Variants in PARP8 observed in about 807,000 individuals in gnomAD.
The protein encoded by PARP8 is protein mono-ADP-ribosyltransferase PARP8.
Under a neutral mutation model 124.1 loss-of-function variants are expected in PARP8, and 51 were observed. The observed-to-expected ratio is 0.41, with a 90% CI of 0.33 to 0.52. PARP8 has a LOEUF of 0.52. PARP8 is among the 20% of genes least tolerant of loss of function. The pLI is 0.21. For synonymous variants in PARP8, 391 were observed against 361.5 expected, an observed-to-expected ratio of 1.08 and a Z score of -0.93; for missense variants, 860 against 1,018.9, an observed-to-expected ratio of 0.84 and a Z score of 2.12.
rs1167592110 is a variant in PARP8, at chr5:50,801,810, G to A, written c.1575+4577G>A. On this transcript the variant is annotated intron_variant, in intron 14 of 25. Transcript: ENST00000281631. ...TTTTGGGAAATCTGTTGCTGGATACGTATATGTTTATAAGTGTTTTATCTT... is the reference window on the plus strand; with the variant it reads ...TTTTGGGAAATCTGTTGCTGGATACATATATGTTTATAAGTGTTTTATCTT... Among the ~76,000 whole-genome samples, 12 of 152,014 alleles carry A rather than the reference G, an allele frequency of 7.9e-5. 1 individual carries two copies. In the South Asian group the frequency reaches 2.3e-3, roughly 29 times the overall value.
chr5:50,739,970 T>C (rs1757878848), intron 2 of PARP8, among the ~76,000 whole-genome samples: 1 of 151,708 alleles, frequency 6.6e-6, no homozygotes, highest in Non-Finnish European at 1.5e-5. Context: ...AGGCTGGTCT[T>C]GAACTCCTGA....
At chr5:50,666,068 T>C (rs1749255161), upstream of PARP8, 1 of 152,118 alleles carries the variant, frequency 6.6e-6, no homozygotes, top group Non-Finnish European at 1.5e-5. Context: ...AAGGGAGAAC[T>C]GGTGAGTTTC....
At chr5:50,731,565 G>A (rs1372023941) in intron 2 of PARP8, among the ~76,000 whole-genome samples, 1 of 152,092 alleles carries the variant, frequency 6.6e-6, no homozygotes, top group African/African-American at 2.4e-5. Flanking sequence ...TCCATTGTAA[G>A]GATATATTCA....
At chr5:50,837,829 A>T (rs1747751314) in intron 25 of PARP8, among the ~76,000 whole-genome samples, 1 of 152,184 alleles carries the variant, frequency 6.6e-6, no homozygotes, top group Admixed American at 6.6e-5. Context: ...AGTTCAAAAA[A>T]TTTTTGTTGG....
chr5:50,713,402 G>A (rs1446750124), intron 2 of PARP8, among the ~76,000 whole-genome samples: 3 of 151,814 alleles, frequency 2.0e-5, no homozygotes, highest in Admixed American at 6.6e-5. Context: ...CACTATGCCT[G>A]GCTAATTTTG....
chr5:50,708,320 T>A (rs1302465808), intron 2 of PARP8, among the ~76,000 whole-genome samples: 1 of 152,150 alleles, frequency 6.6e-6, no homozygotes, highest in African/African-American at 2.4e-5. Context: ...TGTCATATTC[T>A]CTTTTCTGGA....
At chr5:50,705,374 A>G (rs1192691111) in intron 2 of PARP8, among the ~76,000 whole-genome samples, 4 of 152,328 alleles carry the variant, frequency 2.6e-5, no homozygotes, top group African/African-American at 9.6e-5. Context: ...GGTGCAAAAC[A>G]GTTGAAAGAT....
At chr5:50,688,813 G>T (rs1222984065) in intron 2 of PARP8, among the ~76,000 whole-genome samples, 2 of 152,062 alleles carry the variant, frequency 1.3e-5, no homozygotes, top group African/African-American at 4.8e-5. Context: ...TGTACATTTT[G>T]TACCTTTTAT....
intron 14 of PARP8, among the ~76,000 whole-genome samples, chr5:50,803,182 C>T (rs1743429000): frequency 6.6e-6 from 1 of 152,126 alleles, no homozygotes; most frequent in Non-Finnish European, 1.5e-5. Flanking sequence ...TGTGGTTTCC[C>T]ATGAAAAATG....
At chr5:50,743,936 G>A (rs1758294455) in intron 2 of PARP8, among the ~76,000 whole-genome samples, 1 of 152,198 alleles carries the variant, frequency 6.6e-6, no homozygotes, top group Non-Finnish European at 1.5e-5. Flanking sequence ...ATACGAGGAT[G>A]TAGTTTATTG....
chr5:50,824,931 G>A lies in PARP8; in HGVS notation c.1884G>A (p.Lys628=). ...AGGCACCATATCTGGAAATCAAGAA[G>A]CAAATGGATAAACAGGACCCCCTTG... is the stretch of plus-strand genomic sequence containing the variant. ...MTQAPYLEIK[K]QMDKQDPLAH... The change falls in exon 18 of 26, where the codon AAG becomes AAA. Residue 628 remains lysine (K), a synonymous_variant. Coordinates refer to ENST00000281631, the MANE Select transcript of PARP8 (RefSeq NM_024615.4). The A allele has an allele frequency of 1.2e-6, 2 of 1,613,094 alleles. No homozygotes were observed. The highest frequency in any genetic ancestry group is 1.3e-5 in the African/African-American group (1 of 74,972).
chr5:50,685,973 A>G (rs1329969864), intron 2 of PARP8, among the ~76,000 whole-genome samples: 4 of 152,088 alleles, frequency 2.6e-5, no homozygotes, highest in Non-Finnish European at 5.9e-5. Context: ...ACACAGCCAA[A>G]CCATTCTGCC....
intron 12 of PARP8, 82 bp from the exon 13 acceptor site, chr5:50,796,900 T>G (rs1361384993): frequency 8.5e-7 from 1 of 1,174,288 alleles, no homozygotes; most frequent in Non-Finnish European, 1.2e-6. Flanking sequence ...TCGTATTCAC[T>G]ATTGCAAAGA....
upstream of PARP8, chr5:50,666,113 C>T (rs1316713213): frequency 2.0e-5 from 3 of 152,142 alleles, no homozygotes; most frequent in Non-Finnish European, 2.9e-5. Context: ...GGCTGTGTTT[C>T]GTAAACGGCG....
chr5:50,804,501 C>G (rs938246190), intron 14 of PARP8, among the ~76,000 whole-genome samples: 19 of 152,296 alleles, frequency 1.2e-4, no homozygotes, highest in African/African-American at 4.1e-4. Context: ...CCGGAGATAA[C>G]TTTGCCATGA....
chr5:50,823,082 A>G lies in PARP8; in HGVS notation c.1860+682A>G, dbSNP rs192933175. On this transcript the variant is annotated intron_variant, in intron 17 of 25. Coordinates refer to ENST00000281631, the MANE Select transcript of PARP8 (RefSeq NM_024615.4). ...TAATCTGAGATTGACAACGCACATT[A>G]TGTGTGCAGCTTGCATGTAGTGGTT... 1.1e-3 allele frequency among the ~76,000 whole-genome samples: 173 copies of G among 150,588 alleles called. 1 individual carries two copies. Among genetic ancestry groups the G allele is most frequent in the African/African-American group, 4.2e-3 (168 of 39,926 alleles).
At chr5:50,744,778 TA>T (rs977711207) in intron 2 of PARP8, 1 of 700,754 alleles carries the variant, frequency 1.4e-6, no homozygotes, top group African/African-American at 1.8e-5. Context: ...AAAAGATGAG[TA>T]TGACTTTTAA....
intron 23 of PARP8, chr5:50,833,507 T>C: frequency 2.8e-6 from 1 of 359,044 alleles, no homozygotes; most frequent in Non-Finnish European, 5.4e-6. Context: ...GCTAATCTAA[T>C]ATCTGAAAAA....
chr5:50,822,835 G>A (rs2149703996), intron 17 of PARP8, among the ~76,000 whole-genome samples: 1 of 152,256 alleles, frequency 6.6e-6, no homozygotes, highest in Admixed American at 6.5e-5. Flanking sequence ...TTTGGAAGAT[G>A]CCAGGCTCCC....
Sources: allele counts gnomAD v4.1 joint callset (sites outside exome capture counted in the v4.1 genomes callset), GRCh38; gene constraint gnomAD v4.1.1; transcripts MANE v1.5; gene names NCBI Gene and HGNC (gene_info 2026-07-23, HGNC 2026-07-21).